The following ZFAND3 variants were observed in gnomAD, a reference collection of about 807,000 sequenced individuals.
ZFAND3 encodes zinc finger AN1-type containing 3.
In ZFAND3, 10 loss-of-function variants were observed where a neutral mutation model predicts 29.6. The ratio of observed to expected loss-of-function variants is 0.34; its 90% CI spans 0.21 to 0.57. The LOEUF is 0.57. ZFAND3 is among the 20% of genes least tolerant of loss of function. ZFAND3 has a pLI of 0.86. For synonymous variants in ZFAND3, 128 were observed against 112.6 expected (o/e 1.14, Z -0.87); for missense variants, 230 against 304.5 (o/e 0.76, Z 1.82).
chr6:38,118,869 A>T (rs1359368369), intron 5 of ZFAND3, among the ~76,000 whole-genome samples: 1 of 152,026 alleles, frequency 6.6e-6, no homozygotes. Flanking sequence ...CATGCTCTTA[A>T]CCTTTGTGGG....
chr6:37,993,782 T>C (rs951353928), intron 2 of ZFAND3, among the ~76,000 whole-genome samples: 3 of 152,106 alleles, frequency 2.0e-5, no homozygotes, highest in African/African-American at 7.2e-5. Context: ...AGCTTGCCTT[T>C]ATCTTACTCA....
intron 2 of ZFAND3, among the ~76,000 whole-genome samples, chr6:37,981,056 G>A (rs763958866): frequency 9.2e-5 from 14 of 152,140 alleles, no homozygotes; most frequent in Non-Finnish European, 1.6e-4. Context: ...AGGAGCAGGG[G>A]GTACATTTAA....
intron 5 of ZFAND3, among the ~76,000 whole-genome samples, chr6:38,130,965 A>G (rs1324972076): frequency 6.6e-6 from 1 of 152,108 alleles, no homozygotes; most frequent in Non-Finnish European, 1.5e-5. Context: ...TATATTTTTA[A>G]TTAGCATTTC....
chr6:37,883,908 A>T (rs1472621636), intron 1 of ZFAND3, among the ~76,000 whole-genome samples: 1 of 145,248 alleles, frequency 6.9e-6, no homozygotes, highest in Non-Finnish European at 1.5e-5. Flanking sequence ...ATGTATGTTC[A>T]GGAGATTCGC....
At chr6:37,824,523 T>A (rs1763724963) in intron 1 of ZFAND3, among the ~76,000 whole-genome samples, 1 of 152,218 alleles carries the variant, frequency 6.6e-6, no homozygotes, top group Admixed American at 6.5e-5. Context: ...AGAAATATAA[T>A]TACTATTGAT....
In ZFAND3 at chr6:37,819,830, T is replaced by TG; in HGVS notation, c.-116_-115insG. 79 of 519,798 alleles carry TG rather than the reference T, an allele frequency of 1.5e-4. No homozygotes were observed. The highest frequency in any genetic ancestry group is 2.5e-4 in the South Asian group (3 of 12,166). The allele number at this position is 519,798 out of a possible 1,614,324, so 32.2% of individuals were successfully genotyped here. On this transcript the variant is annotated 5_prime_UTR_variant, in exon 1 of 6. Transcript: ENST00000287218. ...CGCGCCCGCCCGCGCGCCCGCTCCT[T>TG]CCCCCTCCCCCCGCCCCGAGCCCCC...
At position 37,819,842 on chromosome 6, in the gene ZFAND3, C is replaced by T; in HGVS notation, c.-104C>T. 1 of 752,872 alleles carries T rather than the reference C, an allele frequency of 1.3e-6. No homozygotes were observed. The highest frequency in any genetic ancestry group is 1.7e-6 in the Non-Finnish European group (1 of 587,612). 46.6% of individuals were successfully genotyped at this position (752,872 alleles called of 1,614,324 possible). ...CGCGCCCGCTCCTTCCCCCTCCCCCCGCCCCGAGCCCCCCGACGCCGCCGC... is the reference window on the plus strand; with the variant it reads ...CGCGCCCGCTCCTTCCCCCTCCCCCTGCCCCGAGCCCCCCGACGCCGCCGC... On this transcript the variant is annotated 5_prime_UTR_variant, in exon 1 of 6. Coordinates refer to ENST00000287218, the MANE Select transcript of ZFAND3 (RefSeq NM_021943.3).
chr6:37,925,560 C>T (rs887752995), intron 1 of ZFAND3, among the ~76,000 whole-genome samples: 6 of 151,992 alleles, frequency 3.9e-5, no homozygotes, highest in Admixed American at 1.3e-4. Context: ...AAAAATTAGC[C>T]GGGCGTGGTG....
chr6:37,924,570 C>T (rs1166068445), intron 1 of ZFAND3, among the ~76,000 whole-genome samples: 2 of 152,148 alleles, frequency 1.3e-5, no homozygotes, highest in Non-Finnish European at 1.5e-5. Flanking sequence ...AGTTGTAGCT[C>T]ACACCTGTAA....
chr6:37,897,107 A>G (rs1207063502), intron 1 of ZFAND3, among the ~76,000 whole-genome samples: 2 of 152,194 alleles, frequency 1.3e-5, no homozygotes, highest in Non-Finnish European at 2.9e-5. Flanking sequence ...GTATATTTCT[A>G]TCTATATATG....
chr6:38,015,908 G>A (rs533635136), intron 2 of ZFAND3, among the ~76,000 whole-genome samples: 2 of 152,276 alleles, frequency 1.3e-5, no homozygotes, highest in South Asian at 4.1e-4. Flanking sequence ...ATAGTGAAAT[G>A]TTAAGATTAG....
chr6:37,823,804 G>C (rs181682612), intron 1 of ZFAND3, among the ~76,000 whole-genome samples: 6 of 151,528 alleles, frequency 4.0e-5, no homozygotes, highest in Admixed American at 2.0e-4. Context: ...TTTTTTTTGG[G>C]GGGGGGTAGG....
At chr6:38,049,578 G>A (rs1763978204) in intron 2 of ZFAND3, among the ~76,000 whole-genome samples, 1 of 152,256 alleles carries the variant, frequency 6.6e-6, no homozygotes, top group East Asian at 1.9e-4. Flanking sequence ...GAAAGCTTTT[G>A]TATCAGTAGT....
At chr6:37,837,940 G>A (rs762757279) in intron 1 of ZFAND3, among the ~76,000 whole-genome samples, 3 of 152,182 alleles carry the variant, frequency 2.0e-5, no homozygotes, top group Non-Finnish European at 2.9e-5. Context: ...ACGGCAACTT[G>A]ATGTTACTTT....
At position 38,116,586 on chromosome 6, in the gene ZFAND3, A is replaced by C. The variant is rs751027217; in HGVS notation, c.376A>C (p.Asn126His). The C allele has an allele frequency of 6.8e-6, 11 of 1,612,010 alleles. No individual in the cohort carries two copies. Among genetic ancestry groups the C allele is most frequent in the African/African-American group, 1.3e-5 (1 of 74,908 alleles). Residue 126 changes from asparagine to histidine, a missense_variant, in exon 5 of 6, where the codon AAT becomes CAT. Asn to His is a moderately conservative substitution (Grantham distance 68). Around this residue, in one of 2 missense-constraint regions of ZFAND3, gnomAD observed 180 missense variants for 202.5 expected, o/e 0.89. Coordinates refer to ENST00000287218, the MANE Select transcript of ZFAND3 (RefSeq NM_021943.3). ...RSCGTDSQSENEASPVKRPRL... is the reference protein window; with the variant it reads ...RSCGTDSQSEHEASPVKRPRL... ...GTTTTGGTCAGATTCACAGTCTGAGAATGAGGCTTCACCAGTAAAACGGCC... is the reference window on the plus strand; with the variant it reads ...GTTTTGGTCAGATTCACAGTCTGAGCATGAGGCTTCACCAGTAAAACGGCC...
At chr6:38,150,415 A>G (rs1487613083) in intron 5 of ZFAND3, among the ~76,000 whole-genome samples, 1 of 152,184 alleles carries the variant, frequency 6.6e-6, no homozygotes, top group Admixed American at 6.5e-5. Context: ...GGCTGTGTAC[A>G]TGTCCCTTGC....
chr6:37,945,285 CCTGTATTATTCCTGTCTCAGGG>C (rs1465214223), intron 2 of ZFAND3, among the ~76,000 whole-genome samples: 1 of 152,156 alleles, frequency 6.6e-6, no homozygotes, highest in Non-Finnish European at 1.5e-5. Context: ...CTTCAACCAC[CCTGTATTATTCCTGTCTCAGGG>C]CTTGGGGGAA....
intron 2 of ZFAND3, among the ~76,000 whole-genome samples, chr6:37,930,864 T>C (rs1477779721): frequency 6.6e-6 from 1 of 152,330 alleles, no homozygotes; most frequent in East Asian, 1.9e-4. Flanking sequence ...GCTAAAGTTC[T>C]AAGGACAGGT....
At chr6:37,968,055 G>A (rs1167303608) in intron 2 of ZFAND3, among the ~76,000 whole-genome samples, 1 of 152,128 alleles carries the variant, frequency 6.6e-6, no homozygotes, top group African/African-American at 2.4e-5. Flanking sequence ...GGGAGTAATT[G>A]AACATTAGAA....
Sources: allele counts gnomAD v4.1 joint callset (sites outside exome capture counted in the v4.1 genomes callset), GRCh38; gene constraint gnomAD v4.1.1; regional missense constraint gnomAD v4.1.1; transcripts MANE v1.5; gene names NCBI Gene and HGNC (gene_info 2026-07-23, HGNC 2026-07-21).